Variants in NOTCH1 observed in about 807,000 individuals in gnomAD.
NOTCH1 encodes the protein neurogenic locus notch homolog protein 1.
Under a neutral mutation model 254.8 loss-of-function variants are expected in NOTCH1, and 37 were observed. The observed-to-expected ratio is 0.15, with a 90% CI of 0.11 to 0.19. The LOEUF is 0.19. Among genes scored for constraint, NOTCH1 ranks in the 10% least tolerant of loss-of-function variants. NOTCH1 has a pLI of 1.00. For synonymous variants in NOTCH1, 1,731 were observed against 1,618.1 expected (o/e 1.07, Z -1.68); for missense variants, 2,972 against 3,708.6 (o/e 0.80, Z 5.16).
At chr9:136,520,387 G>A (rs3124607) in intron 4 of NOTCH1, among the ~76,000 whole-genome samples, 63,268 of 151,878 alleles carry the variant, frequency 0.42, 14,300 homozygotes, top group East Asian at 0.86. Context: ...GCAAAAGCAG[G>A]CAGCCAGAGA....
intron 30 of NOTCH1, among the ~76,000 whole-genome samples, chr9:136,501,108 G>GA (rs1030304110): frequency 1.3e-5 from 2 of 152,166 alleles, no homozygotes; most frequent in African/African-American, 2.4e-5. Context: ...ATCCACCCAG[G>GA]AAAAAGAGGA....
In NOTCH1 at chr9:136,509,750, C is replaced by T. The variant is rs373168397; in HGVS notation, c.2952G>A (p.Thr984=). Residue 984 remains threonine, a synonymous_variant, in exon 18 of 34, where the codon ACG becomes ACA. Transcript: ENST00000651671. ...GFSGIHCENN[T]PDCTESSCFN... The stretch of plus-strand genomic sequence containing the variant: ...CCGCACACCTCTCTGTGCAGTCAGG[C>T]GTGTTGTTCTCACAGTGGATCCCGC... The T allele has an allele frequency of 1.1e-5, 17 of 1,612,728 alleles. No homozygotes were observed. The highest frequency in any genetic ancestry group is 6.6e-5 in the South Asian group (6 of 91,094).
chr9:136,494,736 C>G lies in NOTCH1; in HGVS notation c.*1335G>C, dbSNP rs549734716. On this transcript the variant is annotated 3_prime_UTR_variant, in exon 34 of 34. Coordinates refer to ENST00000651671, the MANE Select transcript of NOTCH1 (RefSeq NM_017617.5). ...TAAGGCTCCCCGAGCTGAGCCAAGTCTGACGTCCCTCACTGGCATGACACA... is the reference window on the plus strand; with the variant it reads ...TAAGGCTCCCCGAGCTGAGCCAAGTGTGACGTCCCTCACTGGCATGACACA... 7.3e-5 allele frequency: 29 copies of G among 398,718 alleles called. No homozygotes were observed. The highest frequency in any genetic ancestry group is 9.7e-5 in the Non-Finnish European group (22 of 226,006). The allele number at this position is 398,718 out of a possible 1,614,324, so 24.7% of individuals were successfully genotyped here.
At chr9:136,522,650 A>G (rs905815061) in intron 4 of NOTCH1, 200 bp downstream of exon 4, 7 of 586,944 alleles carry the variant, frequency 1.2e-5, no homozygotes, top group Non-Finnish European at 2.1e-5. Flanking sequence ...GACCCTGTGC[A>G]AGCCTCCTCC....
intron 8 of NOTCH1, among the ~76,000 whole-genome samples, 175 bp downstream of exon 8, chr9:136,517,577 G>A (rs1385848127): frequency 2.0e-5 from 3 of 152,106 alleles, no homozygotes; most frequent in Non-Finnish European, 2.9e-5. Flanking sequence ...CACTGCCCCC[G>A]TGCTCTGCTG....
chr9:136,509,896 C>T lies in NOTCH1; in HGVS notation c.2806G>A (p.Gly936Ser), dbSNP rs773847667. Residue 936 changes from glycine to serine, a missense_variant, in exon 18 of 34, where the codon GGC becomes AGC. Physicochemically the swap from Gly to Ser is moderately conservative, Grantham distance 56. Coordinates refer to ENST00000651671, the MANE Select transcript of NOTCH1 (RefSeq NM_017617.5). Reference protein sequence around the residue: ...INTAFCDCLPGFRGTFCEEDI... With the variant: ...INTAFCDCLPSFRGTFCEEDI... ...TCCTCACAGAAAGTGCCCCGGAAGC[C>T]GGGCAGGCAGTCGCAGAAGGCCGTG... The T allele has an allele frequency of 8.7e-6, 14 of 1,613,240 alleles. No individual in the cohort carries two copies. Among genetic ancestry groups the T allele is most frequent in the Non-Finnish European group, 1.1e-5 (13 of 1,180,020 alleles).
intron 18 of NOTCH1, among the ~76,000 whole-genome samples, chr9:136,509,340 A>T (rs1843140965): frequency 1.3e-5 from 2 of 152,226 alleles, no homozygotes; most frequent in Admixed American, 6.5e-5. Flanking sequence ...TGGTTAAAGT[A>T]AATGAGGGAG....
intron 15 of NOTCH1, among the ~76,000 whole-genome samples, chr9:136,512,477 T>C (rs985577016): frequency 2.0e-5 from 3 of 152,296 alleles, no homozygotes; most frequent in Middle Eastern, 3.4e-3. Context: ...TAGCAGGGGC[T>C]GGACAGTTGG....
intron 2 of NOTCH1, among the ~76,000 whole-genome samples, 159 bp from the exon 3 acceptor site, chr9:136,524,138 G>A (rs1267871857): frequency 2.6e-5 from 4 of 152,204 alleles, no homozygotes; most frequent in Non-Finnish European, 5.9e-5. Context: ...CTGATAAAAT[G>A]TTCTGGAACC....
chr9:136,544,207 T>C (rs1002485552), intron 1 of NOTCH1, 105 bp from the exon 2 acceptor site: 14 of 1,059,144 alleles, frequency 1.3e-5, no homozygotes, highest in Non-Finnish European at 2.0e-5. Context: ...AGGGGCATCG[T>C]CCGCCCCCTA....
intron 2 of NOTCH1, among the ~76,000 whole-genome samples, chr9:136,533,690 G>T (rs1843598150): frequency 6.6e-6 from 1 of 152,254 alleles, no homozygotes; most frequent in Non-Finnish European, 1.5e-5. Flanking sequence ...AGGCTTGGGT[G>T]GGGCAATGGC....
In NOTCH1 at chr9:136,505,123, G is replaced by A. The variant is rs1352369061; in HGVS notation, c.4587-19C>T. On this transcript the variant is annotated intron_variant, in intron 25 of 33. Coordinates refer to ENST00000651671, the MANE Select transcript of NOTCH1 (RefSeq NM_017617.5). ...CAGGGGGCTGTGGGGGGCGGGACAC[G>A]CTCAGGCCGCCTTCCTCGGGGGGCC... The A allele has an allele frequency of 4.4e-6, 7 of 1,602,550 alleles. No individual in the cohort carries two copies. Among genetic ancestry groups the A allele is most frequent in the African/African-American group, 4.0e-5 (3 of 74,858 alleles).
At chr9:136,503,063 C>G (rs553467439) in intron 27 of NOTCH1, 119 bp downstream of exon 27, 2 of 1,443,520 alleles carry the variant, frequency 1.4e-6, no homozygotes, top group South Asian at 1.2e-5. Context: ...TACCCCAACT[C>G]GGACGGCAAC....
intron 2 of NOTCH1, among the ~76,000 whole-genome samples, chr9:136,525,854 C>T (rs1448051560): frequency 3.3e-5 from 5 of 152,264 alleles, no homozygotes; most frequent in African/African-American, 7.2e-5. Flanking sequence ...CTGTCTTCCC[C>T]GAAGGCTTTT....
rs11574913 is a variant in NOTCH1, at chr9:136,495,757, T to C, written c.*314A>G. 9.4e-5 allele frequency: 39 copies of C among 413,710 alleles called. No individual in the cohort carries two copies. The highest frequency in any genetic ancestry group is 1.6e-4 in the Non-Finnish European group (37 of 233,778). The allele number at this position is 413,710 out of a possible 1,614,324, so 25.6% of individuals were successfully genotyped here. ...TATAAATCATGAATCTTTGTTTATA[T>C]TTTATAAACACAGAAGAATCTTTTC... On this transcript the variant is annotated 3_prime_UTR_variant, in exon 34 of 34. Coordinates refer to ENST00000651671, the MANE Select transcript of NOTCH1 (RefSeq NM_017617.5).
intron 2 of NOTCH1, chr9:136,543,574 C>T (rs1843764242): frequency 2.9e-6 from 1 of 343,744 alleles, no homozygotes; most frequent in Non-Finnish European, 5.6e-6. Context: ...GAGGCATCAC[C>T]ACCCACCTAG....
chr9:136,505,924 C>CCCCGCCCCCCCGCCACCT, intron 24 of NOTCH1, 43 bp from the exon 25 acceptor site: 3 of 1,492,516 alleles, frequency 2.0e-6, no homozygotes, highest in Non-Finnish European at 2.7e-6. Flanking sequence ...GTGGGCCACC[C>CCCCGCCCCCCCGCCACCT]CCCGCCCCCC....
intron 2 of NOTCH1, among the ~76,000 whole-genome samples, chr9:136,529,914 C>T (rs1265339658): frequency 6.6e-6 from 1 of 152,244 alleles, no homozygotes; most frequent in Admixed American, 6.5e-5. Flanking sequence ...TGCCTCCAGC[C>T]ACCACCTGCG....
At chr9:136,519,873 C>T (rs1226839962) in intron 4 of NOTCH1, among the ~76,000 whole-genome samples, 1 of 152,262 alleles carries the variant, frequency 6.6e-6, no homozygotes, top group South Asian at 2.1e-4. Flanking sequence ...GTGCCGCCTG[C>T]ATGCTCAGAG....
Sources: gnomAD v4.1 joint callset for allele counts (sites outside exome capture counted in the v4.1 genomes callset) on GRCh38, gnomAD v4.1.1 for gene constraint, MANE v1.5 for transcripts, NCBI Gene and HGNC (gene_info 2026-07-23, HGNC 2026-07-21) for gene names.